The following ZKSCAN1 variants were observed in gnomAD, a reference collection of about 807,000 sequenced individuals.
ZKSCAN1 encodes zinc finger protein with KRAB and SCAN domains 1.
In ZKSCAN1, 14 loss-of-function variants were observed where a neutral mutation model predicts 51.6. The ratio of observed to expected loss-of-function variants is 0.27; its 90% CI spans 0.18 to 0.42. ZKSCAN1 has a LOEUF of 0.42. Ranked by LOEUF, ZKSCAN1 falls within the 10% of genes least tolerant of loss-of-function variation. The pLI, the probability that ZKSCAN1 is intolerant of heterozygous loss-of-function variation, is 1.00. For missense variants in ZKSCAN1, 531 were observed against 710.0 expected, an observed-to-expected ratio of 0.75 and a Z score of 2.86; for synonymous variants, 263 against 261.5, an observed-to-expected ratio of 1.01 and a Z score of -0.06.
chr7:100,033,251 C>A lies in ZKSCAN1; in HGVS notation c.800-54C>A. ...TCTCGGGAAACTGTCGCTTGACCCA[C>A]CTGTATATTCAAAAGAAAAAGGTGC... On this transcript the variant is annotated intron_variant, in intron 5 of 5. Transcript: ENST00000324306. This position sits in a 1 kb window ranked among gnomAD's most constrained non-coding sequence, Gnocchi z 4.1. 6.6e-7 allele frequency: 1 copy of A among 1,523,062 alleles called. No homozygotes were observed. Among genetic ancestry groups the A allele is most frequent in the Non-Finnish European group, 8.8e-7 (1 of 1,142,732 alleles). 94.3% of individuals were successfully genotyped at this position (1,523,062 alleles called of 1,614,324 possible).
At chr7:100,026,297 G>A (rs1236618487) in intron 3 of ZKSCAN1, among the ~76,000 whole-genome samples, 1 of 151,566 alleles carries the variant, frequency 6.6e-6, no homozygotes, top group Non-Finnish European at 1.5e-5. Context: ...GGAGCTTGCA[G>A]GACCGGAAGT....
In ZKSCAN1 at chr7:100,030,356, T is replaced by C. The variant is rs1263448068; in HGVS notation, c.780T>C (p.Tyr260=). Residue 260 remains tyrosine, a synonymous_variant, in exon 5 of 6, where the codon TAT becomes TAC. Transcript: ENST00000324306. ...NLSRDNRQEN[Y]GSAFPQGGEN... The stretch of plus-strand genomic sequence containing the variant: ...GTAGGGACAACAGGCAGGAGAATTA[T>C]GGGAGCGCATTTCCCCAGGGTAAGA... The C allele has an allele frequency of 1.2e-6, 2 of 1,613,998 alleles. No homozygotes were observed. Among genetic ancestry groups the C allele is most frequent in the Admixed American group, 1.7e-5 (1 of 59,952 alleles).
rs943240451 is a variant in ZKSCAN1 at position 100,036,335 on chromosome 7, T to C, written c.*2138T>C. 7.1e-6 allele frequency: 7 copies of C among 985,128 alleles called. No individual in the cohort carries two copies. The East Asian group carries it at 3.4e-4, about 48-fold the overall frequency. The allele number at this position is 985,128 out of a possible 1,614,324, so 61.0% of individuals were successfully genotyped here. A position where few individuals can be genotyped will look rare whatever the true frequency, so the allele number is the denominator to read the frequency against. Reference sequence around the variant, plus strand: ...AAGTAACTAAAATGGAGGCAGAAAATGTTTTAAGGATTTTCTTCAAAGAAT... The same window carrying C: ...AAGTAACTAAAATGGAGGCAGAAAACGTTTTAAGGATTTTCTTCAAAGAAT... On this transcript the variant is annotated 3_prime_UTR_variant, in exon 6 of 6. Transcript: ENST00000324306.
intron 3 of ZKSCAN1, among the ~76,000 whole-genome samples, chr7:100,027,514 G>A (rs1032928881): frequency 2.0e-5 from 3 of 151,830 alleles, no homozygotes. Context: ...ACTTTGGGAA[G>A]CCGAGGCAGG....
chr7:100,030,283 T>A lies in ZKSCAN1; in HGVS notation c.707T>A (p.Leu236His). ...MVKIEDMAVSLILEEWGCQNL... is the reference protein window; with the variant it reads ...MVKIEDMAVSHILEEWGCQNL... The stretch of plus-strand genomic sequence containing the variant: ...AAGATCGAGGACATGGCTGTGTCCC[T>A]CATTCTGGAGGAATGGGGATGTCAG... Residue 236 changes from leucine (L) to histidine (H), a missense_variant, in exon 5 of 6, where the codon CTC (leucine) becomes CAC (histidine). By Grantham distance (99) the Leu-to-His change is moderately conservative. Around this residue, in one of 2 missense-constraint regions of ZKSCAN1, gnomAD observed 403 missense variants for 490.5 expected, o/e 0.82. Transcript: ENST00000324306. 1 of 1,614,078 alleles carries A rather than the reference T, an allele frequency of 6.2e-7. No homozygotes were observed. The highest frequency in any genetic ancestry group is 8.5e-7 in the Non-Finnish European group (1 of 1,179,966).
At chr7:100,020,253 G>A (rs1197010694) in intron 1 of ZKSCAN1, among the ~76,000 whole-genome samples, 1 of 152,190 alleles carries the variant, frequency 6.6e-6, no homozygotes, top group Non-Finnish European at 1.5e-5. Context: ...GGAGTGTGAT[G>A]TGAGGAAAGG....
chr7:100,028,683 TA>T, intron 3 of ZKSCAN1, among the ~76,000 whole-genome samples: 1 of 151,476 alleles, frequency 6.6e-6, no homozygotes, highest in East Asian at 1.9e-4. Flanking sequence ...AAAATTTTCA[TA>T]ATTGTTATGC....
rs1295285265 is a variant in ZKSCAN1 at position 100,029,849 on chromosome 7, C to A, written c.581-12C>A. ...GAGCTGATTTACTCACAGACCCTTT[C>A]TCCTCCCCCAGCTCTTCCTGCTGCC... is the stretch of plus-strand genomic sequence containing the variant. On this transcript the variant is annotated splice_polypyrimidine_tract_variant and intron_variant, in intron 3 of 5. Coordinates refer to ENST00000324306, the MANE Select transcript of ZKSCAN1 (RefSeq NM_003439.4). 6.2e-7 allele frequency: 1 copy of A among 1,613,414 alleles called. No homozygotes were observed. Among genetic ancestry groups the A allele is most frequent in the African/African-American group, 1.3e-5 (1 of 75,032 alleles).
At chr7:100,022,076 G>A (rs1161814860) in intron 1 of ZKSCAN1, among the ~76,000 whole-genome samples, 1 of 152,104 alleles carries the variant, frequency 6.6e-6, no homozygotes, top group Non-Finnish European at 1.5e-5. Context: ...TCTCTTTTAT[G>A]ACAGAGTCTC....
At chr7:100,044,765 T>C, downstream of ZKSCAN1, 1 of 985,000 alleles carries the variant, frequency 1.0e-6, no homozygotes, top group Non-Finnish European at 1.2e-6. Context: ...TCATTCTCTT[T>C]TCCTTTCAAT....
intron 5 of ZKSCAN1, among the ~76,000 whole-genome samples, chr7:100,032,952 GA>G (rs1791175791): frequency 6.6e-6 from 1 of 151,188 alleles, no homozygotes; most frequent in South Asian, 2.1e-4. Context: ...AGCTTGCAGT[GA>G]GCCGAGATCA....
At position 100,033,394 on chromosome 7, in the gene ZKSCAN1, T is replaced by C. The variant is rs1195344188; in HGVS notation, c.889T>C (p.Ser297Pro). 6.2e-7 allele frequency: 1 copy of C among 1,613,406 alleles called. No individual in the cohort carries two copies. The highest frequency in any genetic ancestry group is 1.1e-5 in the South Asian group (1 of 91,040). ...SASRGETTGR[S>P]QKEFGEKRDQ... ...ATCACGCGGGGAGACAACAGGAAGA[T>C]CCCAGAAAGAGTTTGGAGAGAAACG... Residue 297 changes from serine to proline, a missense_variant, in exon 6 of 6, where the codon TCC becomes CCC. Coordinates refer to ENST00000324306, the MANE Select transcript of ZKSCAN1 (RefSeq NM_003439.4). This position sits in a 1 kb window ranked among gnomAD's most constrained non-coding sequence, Gnocchi z 4.1.
In ZKSCAN1 at chr7:100,034,694, A is replaced by G. The variant is rs1306552548; in HGVS notation, c.*497A>G. ...GGGACATGCTGCTCAAGGTAGTTAT[A>G]TATACGATAAGTTGTATATATGATC... On this transcript the variant is annotated 3_prime_UTR_variant, in exon 6 of 6. Transcript: ENST00000324306. 5.4e-6 allele frequency: 2 copies of G among 369,790 alleles called. No individual in the cohort carries two copies. Among genetic ancestry groups the G allele is most frequent in the South Asian group, 1.1e-4 (1 of 9,316 alleles). The allele number at this position is 369,790 out of a possible 1,614,324, so 22.9% of individuals were successfully genotyped here. A position where few individuals can be genotyped will look rare whatever the true frequency, so the allele number is the denominator to read the frequency against.
intron 3 of ZKSCAN1, chr7:100,024,913 A>G (rs1011653225): frequency 4.8e-5 from 7 of 146,594 alleles, no homozygotes; most frequent in Admixed American, 6.8e-5. Context: ...AAAAAAAAAA[A>G]AAAAAAGAAT....
rs750620840 is a variant in ZKSCAN1, at chr7:100,034,078, G to T, written c.1573G>T (p.Ala525Ser). The change falls in exon 6 of 6, where the codon GCC (alanine) becomes TCC (serine). Residue 525 changes from alanine to serine, a missense_variant. By Grantham distance (99) the Ala-to-Ser change is moderately conservative. Coordinates refer to ENST00000324306, the MANE Select transcript of ZKSCAN1 (RefSeq NM_003439.4). ...KPYKCTKCGK[A>S]FTRSSTLTLH... ...CTACAAGTGCACTAAGTGTGGCAAGGCCTTCACCCGCAGCTCCACCCTCAC... is the reference window on the plus strand; with the variant it reads ...CTACAAGTGCACTAAGTGTGGCAAGTCCTTCACCCGCAGCTCCACCCTCAC... 1 of 1,613,040 alleles carries T rather than the reference G, an allele frequency of 6.2e-7. No individual in the cohort carries two copies.
rs144763206 is a variant in ZKSCAN1 at position 100,033,891 on chromosome 7, A to G, written c.1386A>G (p.Glu462=). 1 of 1,614,004 alleles carries G rather than the reference A, an allele frequency of 6.2e-7. No homozygotes were observed. Among genetic ancestry groups the G allele is most frequent in the African/African-American group, 1.3e-5 (1 of 74,892 alleles). Residue 462 remains glutamate, a synonymous_variant, in exon 6 of 6, where the codon GAA becomes GAG. Transcript: ENST00000324306. This position sits in a 1 kb window ranked among gnomAD's most constrained non-coding sequence, Gnocchi z 4.1. The part of the protein sequence containing the change: ...QRIHSGEKPY[E]CNECGKAFSQ... ...TCCACTCTGGAGAGAAACCTTATGA[A>G]TGTAATGAGTGCGGGAAGGCCTTCA...
chr7:100,021,687 A>G (rs1196588578), intron 1 of ZKSCAN1, among the ~76,000 whole-genome samples: 1 of 149,856 alleles, frequency 6.7e-6, no homozygotes, highest in Non-Finnish European at 1.5e-5. Flanking sequence ...TCTTGTTCAC[A>G]TCTGTTTATA....
At chr7:100,043,363 G>A (rs1270646336), downstream of ZKSCAN1, among the ~76,000 whole-genome samples, 4 of 151,738 alleles carry the variant, frequency 2.6e-5, no homozygotes, top group Non-Finnish European at 5.9e-5. Flanking sequence ...CACTGTGCCC[G>A]ACCCAGAACT....
In ZKSCAN1 at chr7:100,038,955, A is replaced by G. The variant is rs1791479410; in HGVS notation, c.*4758A>G. The G allele has an allele frequency of 6.4e-6, 1 of 155,184 alleles. No homozygotes were observed. Among genetic ancestry groups the G allele is most frequent in the Non-Finnish European group, 1.4e-5 (1 of 73,330 alleles). The allele number at this position is 155,184 out of a possible 1,614,324, so 9.6% of individuals were successfully genotyped here. A position where few individuals can be genotyped will look rare whatever the true frequency, so the allele number is the denominator to read the frequency against. ...GGTTGCAGTGAGCCAAGATGGCGCC[A>G]CTGCACTCCAGCCTGGGTGATGGCG... On this transcript the variant is annotated 3_prime_UTR_variant, in exon 6 of 6. Transcript: ENST00000324306.
Sources: allele counts gnomAD v4.1 joint callset (sites outside exome capture counted in the v4.1 genomes callset), GRCh38; gene constraint gnomAD v4.1.1; regional missense constraint gnomAD v4.1.1; non-coding constraint Gnocchi (gnomAD v3.1); transcripts MANE v1.5; gene names NCBI Gene and HGNC (gene_info 2026-07-23, HGNC 2026-07-21).